Variants in FAT3 observed in about 807,000 individuals in gnomAD.
The protein encoded by FAT3 is protocadherin Fat 3.
Under a neutral mutation model 310.2 loss-of-function variants are expected in FAT3, and 95 were observed. That is an observed-to-expected ratio of 0.31 (90% CI 0.26 to 0.36). FAT3 has a LOEUF of 0.36. Among genes scored for constraint, FAT3 ranks in the 10% least tolerant of loss-of-function variants. FAT3 has a pLI of 1.00. For synonymous variants in FAT3, 2,314 were observed against 2,192.9 expected, an observed-to-expected ratio of 1.06 and a Z score of -1.54; for missense variants, 5,408 against 5,715.6, an observed-to-expected ratio of 0.95 and a Z score of 1.74.
intron 25 of FAT3, among the ~76,000 whole-genome samples, chr11:92,887,882 T>C (rs1294722640): frequency 6.6e-6 from 1 of 152,208 alleles, no homozygotes; most frequent in Non-Finnish European, 1.5e-5. Flanking sequence ...AAACTAAGAA[T>C]AATTTCAAAC....
At chr11:92,487,364 A>C (rs2135220086) in intron 2 of FAT3, among the ~76,000 whole-genome samples, 1 of 152,286 alleles carries the variant, frequency 6.6e-6, no homozygotes, top group South Asian at 2.1e-4. Context: ...AAAAAGTTAT[A>C]ATCTTCTGAA....
chr11:92,377,872 G>A (rs971992944), intron 2 of FAT3, among the ~76,000 whole-genome samples: 12 of 152,194 alleles, frequency 7.9e-5, no homozygotes, highest in Admixed American at 3.9e-4. Context: ...ATTAGATGAG[G>A]AAGACACGTT....
intron 1 of FAT3, among the ~76,000 whole-genome samples, chr11:92,345,908 A>T (rs531798385): frequency 6.6e-6 from 1 of 152,322 alleles, no homozygotes. Context: ...CCCTTTGGCT[A>T]TAAAACTCAG....
Position 92,344,880 on chromosome 11 carries a change from A to G in FAT3, c.-17-7216A>G, listed in dbSNP as rs557796336. On this transcript the variant is annotated intron_variant, in intron 1 of 27. Transcript: ENST00000525166. ...TCAGATAAGGCTGGGGGAGGGCACT[A>G]TATCTACTGTGCTTTCATATGGAGA... Among the ~76,000 whole-genome samples the G allele has an allele frequency of 8.1e-4, 124 of 152,300 alleles. 1 individual carries two copies. Among genetic ancestry groups the G allele is most frequent in the African/African-American group, 2.9e-3 (121 of 41,560 alleles).
chr11:92,887,893 A>G (rs1308756509), intron 25 of FAT3, among the ~76,000 whole-genome samples: 1 of 152,210 alleles, frequency 6.6e-6, no homozygotes, highest in Non-Finnish European at 1.5e-5. Context: ...AATTTCAAAC[A>G]GTCATCCACA....
rs1311200969 is a variant in FAT3 at position 92,470,996 on chromosome 11, C to CT, written c.3293-53632dup. On this transcript the variant is annotated intron_variant, in intron 2 of 27. Transcript: ENST00000525166. Reference sequence around the variant, plus strand: ...TTCCTTGAGAATTTTTTGCAACCTGCTTTTTTCATTTGATATATTTTTAAC... The same window carrying CT: ...TTCCTTGAGAATTTTTTGCAACCTGCTTTTTTTCATTTGATATATTTTTAAC... Among the ~76,000 whole-genome samples, 14 of 152,206 alleles carry CT rather than the reference C, an allele frequency of 9.2e-5. No individual in the cohort carries two copies. The South Asian group carries it at 1.2e-3, about 14-fold the overall frequency.
rs554984620 is a variant in FAT3 at position 92,893,329 on chromosome 11, C to T, written c.*2216C>T. The T allele has an allele frequency of 6.6e-6, 1 of 152,226 alleles. No individual in the cohort carries two copies. The highest frequency in any genetic ancestry group is 2.4e-5 in the African/African-American group (1 of 41,536). The allele number at this position is 152,226 out of a possible 1,614,324, so 9.4% of individuals were successfully genotyped here. ...ATTTCACTAAGGCTGCTTTCGAGAA[C>T]AAAGTCTTTGGTATTTTTCTTATGT... On this transcript the variant is annotated 3_prime_UTR_variant, in exon 28 of 28. Transcript: ENST00000525166.
chr11:92,267,292 A>G (rs897192000), intron 1 of FAT3, among the ~76,000 whole-genome samples: 4 of 152,206 alleles, frequency 2.6e-5, no homozygotes, highest in African/African-American at 9.6e-5. Context: ...TTTTGGGCAC[A>G]TTCTTTCTTG....
chr11:92,773,451 A>G (rs758922486), intron 6 of FAT3, among the ~76,000 whole-genome samples: 1 of 152,166 alleles, frequency 6.6e-6, no homozygotes, highest in Non-Finnish European at 1.5e-5. Flanking sequence ...AAGATGGCAA[A>G]ATAAGTATTT....
intron 9 of FAT3, 94 bp downstream of exon 9, chr11:92,793,071 G>C (rs1301874621): frequency 6.1e-6 from 8 of 1,314,156 alleles, no homozygotes; most frequent in Admixed American, 2.2e-5. Flanking sequence ...ATCATTAACA[G>C]TGGAACATCT....
chr11:92,543,028 C>T (rs1212622828), intron 3 of FAT3, among the ~76,000 whole-genome samples: 4 of 151,968 alleles, frequency 2.6e-5, no homozygotes, highest in South Asian at 2.1e-4. Context: ...TTTGCAGCAA[C>T]GTGGATGGAC....
At chr11:92,875,524 C>G (rs4291638) in intron 22 of FAT3, among the ~76,000 whole-genome samples, 114,596 of 150,494 alleles carry the variant, frequency 0.76, 44,077 homozygotes, top group Middle Eastern at 0.86. Flanking sequence ...TTTGTATCCC[C>G]AGTGCTTGCC....
At chr11:92,227,988 C>T (rs1205711233) in intron 1 of FAT3, among the ~76,000 whole-genome samples, 2 of 151,214 alleles carry the variant, frequency 1.3e-5, no homozygotes, top group Non-Finnish European at 2.9e-5. Context: ...TGTTGATATT[C>T]AATCATGAAT....
At chr11:92,442,100 TATATA>T (rs1469534358) in intron 2 of FAT3, among the ~76,000 whole-genome samples, 833 of 58,210 alleles carry the variant, frequency 0.014, 140 homozygotes, top group East Asian at 0.094. Flanking sequence ...TATATATATA[TATATA>T]TATATATTTT....
At chr11:92,649,748 C>T (rs1942298902) in intron 3 of FAT3, among the ~76,000 whole-genome samples, 1 of 151,944 alleles carries the variant, frequency 6.6e-6, no homozygotes, top group Admixed American at 6.6e-5. Flanking sequence ...TAGGTACGTT[C>T]TTATGTCAGC....
intron 3 of FAT3, among the ~76,000 whole-genome samples, chr11:92,636,117 C>A (rs1941760156): frequency 6.6e-6 from 1 of 152,138 alleles, no homozygotes; most frequent in Non-Finnish European, 1.5e-5. Flanking sequence ...GTGGGTGCAA[C>A]CACGCCTGGC....
intron 22 of FAT3, among the ~76,000 whole-genome samples, chr11:92,869,492 C>G (rs1421781769): frequency 6.6e-6 from 1 of 152,212 alleles, no homozygotes; most frequent in Non-Finnish European, 1.5e-5. Context: ...GAGGGGGTAT[C>G]TACCTCTTCC....
intron 3 of FAT3, among the ~76,000 whole-genome samples, chr11:92,530,598 C>T (rs562892196): frequency 1.3e-5 from 2 of 152,028 alleles, no homozygotes; most frequent in South Asian, 2.1e-4. Flanking sequence ...AATAAAAAAC[C>T]TGGGTCACGT....
chr11:92,235,606 G>A (rs917585431), intron 1 of FAT3, among the ~76,000 whole-genome samples: 1 of 152,128 alleles, frequency 6.6e-6, no homozygotes, highest in Non-Finnish European at 1.5e-5. Flanking sequence ...TAGTGATTAT[G>A]GACTTCCACA....
Sources: allele counts gnomAD v4.1 joint callset (sites outside exome capture counted in the v4.1 genomes callset), GRCh38; gene constraint gnomAD v4.1.1; transcripts MANE v1.5; gene names NCBI Gene and HGNC (gene_info 2026-07-23, HGNC 2026-07-21).